TTBK2: variants seen among roughly 807,000 people sequenced by gnomAD.
TTBK2 encodes the protein tau tubulin kinase 2, also known as tau-tubulin kinase 2.
A neutral mutation model predicts 110.8 loss-of-function variants in TTBK2; 28 were observed. The observed-to-expected ratio is 0.25, with a 90% CI of 0.19 to 0.35. The LOEUF is 0.35. Among genes scored for constraint, TTBK2 ranks in the 10% least tolerant of loss-of-function variants. The pLI is 1.00. For synonymous variants in TTBK2, 532 were observed against 527.3 expected (o/e 1.01, Z -0.12); for missense variants, 1,369 against 1,500.3 (o/e 0.91, Z 1.45).
At chr15:42,760,335 A>C (rs993787029) in intron 13 of TTBK2, among the ~76,000 whole-genome samples, 1 of 146,644 alleles carries the variant, frequency 6.8e-6, no homozygotes, top group Non-Finnish European at 1.5e-5. Flanking sequence ...CAGTGAGCTG[A>C]GATCATGCCA....
intron 7 of TTBK2, among the ~76,000 whole-genome samples, chr15:42,812,712 A>C (rs935796233): frequency 6.6e-6 from 1 of 152,196 alleles, no homozygotes; most frequent in Non-Finnish European, 1.5e-5. Flanking sequence ...AGAGTGTTTA[A>C]AATGTTAAAA....
chr15:42,805,662 C>A (rs1382115931), intron 9 of TTBK2, among the ~76,000 whole-genome samples: 1 of 152,210 alleles, frequency 6.6e-6, no homozygotes, highest in Admixed American at 6.5e-5. Context: ...CATCATCTTG[C>A]CTCCTGGCCA....
intron 1 of TTBK2, among the ~76,000 whole-genome samples, chr15:42,887,022 G>GT (rs1232484851): frequency 6.6e-6 from 1 of 152,170 alleles, no homozygotes; most frequent in Admixed American, 6.5e-5. Flanking sequence ...ACAATGGAGG[G>GT]TAAGTCCGTC....
intron 1 of TTBK2, among the ~76,000 whole-genome samples, chr15:42,909,186 G>C (rs1236156006): frequency 6.6e-6 from 1 of 152,196 alleles, no homozygotes. Flanking sequence ...GAGCGCAGTA[G>C]CTAGCTATTC....
intron 1 of TTBK2, among the ~76,000 whole-genome samples, chr15:42,906,548 G>A (rs1035333472): frequency 1.9e-4 from 29 of 152,064 alleles, no homozygotes; most frequent in African/African-American, 7.0e-4. Flanking sequence ...AAGACTTCTT[G>A]AATCTAAGAC....
At chr15:42,841,181 G>A (rs914426060) in intron 3 of TTBK2, among the ~76,000 whole-genome samples, 2 of 152,102 alleles carry the variant, frequency 1.3e-5, no homozygotes, top group African/African-American at 4.8e-5. Context: ...GAAAGATAAA[G>A]AATATGAGCT....
intron 10 of TTBK2, among the ~76,000 whole-genome samples, chr15:42,789,876 CAT>C (rs1890578123): frequency 6.6e-6 from 1 of 151,812 alleles, no homozygotes; most frequent in South Asian, 2.1e-4. Context: ...CACACACACA[CAT>C]ATACATTTTC....
intron 14 of TTBK2, among the ~76,000 whole-genome samples, chr15:42,750,791 C>T (rs1220290435): frequency 2.0e-5 from 3 of 152,124 alleles, no homozygotes; most frequent in Non-Finnish European, 4.4e-5. Context: ...AGGATGAACT[C>T]AGAGACCCAC....
intron 1 of TTBK2, among the ~76,000 whole-genome samples, chr15:42,919,535 A>G (rs1348089716): frequency 6.6e-6 from 1 of 152,334 alleles, no homozygotes; most frequent in African/African-American, 2.4e-5. Context: ...GTGTGTGTCT[A>G]CATGTGCCCA....
chr15:42,751,795 G>A (rs529936571), intron 14 of TTBK2, among the ~76,000 whole-genome samples, 179 bp downstream of exon 14: 10 of 152,288 alleles, frequency 6.6e-5, no homozygotes, highest in South Asian at 4.1e-4. Context: ...GTATTTTACC[G>A]CAATAAATTG....
chr15:42,866,386 T>C (rs1662233098), intron 3 of TTBK2, among the ~76,000 whole-genome samples: 1 of 152,160 alleles, frequency 6.6e-6, no homozygotes, highest in African/African-American at 2.4e-5. Flanking sequence ...GAAACATGCA[T>C]GCATCTAACA....
Position 42,746,150 on chromosome 15 carries a change from T to C in TTBK2, c.3380A>G (p.Gln1127Arg). 1.2e-6 allele frequency: 2 copies of C among 1,614,162 alleles called. No homozygotes were observed. The highest frequency in any genetic ancestry group is 2.2e-5 in the South Asian group (2 of 91,076). ...NGSQKPRSTTQCKSPGSPHNP... is the reference protein window; with the variant it reads ...NGSQKPRSTTRCKSPGSPHNP... ...GTGAGGAGATCCTGGACTCTTGCAC[T>C]GAGTAGTGCTCCGGGGTTTCTGAGA... The change falls in exon 15 of 15, where the codon CAG becomes CGG. Residue 1127 changes from glutamine (Q) to arginine (R), a missense_variant. By Grantham distance (43) the Gln-to-Arg change is conservative (BLOSUM62 1). Coordinates refer to ENST00000267890, the MANE Select transcript of TTBK2 (RefSeq NM_173500.4).
chr15:42,816,535 G>A (rs1367476929), intron 7 of TTBK2, among the ~76,000 whole-genome samples: 1 of 152,034 alleles, frequency 6.6e-6, no homozygotes, highest in Non-Finnish European at 1.5e-5. Flanking sequence ...CCGTGCATTA[G>A]TATTACCAAT....
chr15:42,748,278 G>A (rs1040803811), intron 14 of TTBK2, among the ~76,000 whole-genome samples: 7 of 152,014 alleles, frequency 4.6e-5, no homozygotes, highest in East Asian at 1.9e-4. Flanking sequence ...CCAACATGGC[G>A]AAACCCCATC....
chr15:42,902,077 G>A (rs921719900), intron 1 of TTBK2, among the ~76,000 whole-genome samples: 5 of 151,056 alleles, frequency 3.3e-5, no homozygotes, highest in East Asian at 2.0e-4. Flanking sequence ...TTAGCCAGGC[G>A]TGGTAGAGCA....
chr15:42,876,240 A>G (rs1894816201), intron 2 of TTBK2, among the ~76,000 whole-genome samples: 1 of 152,140 alleles, frequency 6.6e-6, no homozygotes. Flanking sequence ...CATAACAGTG[A>G]GCTTGTCATT....
At chr15:42,811,282 T>C (rs1006679146) in intron 8 of TTBK2, among the ~76,000 whole-genome samples, 3 of 152,204 alleles carry the variant, frequency 2.0e-5, no homozygotes, top group South Asian at 2.1e-4. Context: ...ATGTGAGCCA[T>C]TGCACCCATC....
rs2061761689 is a variant in TTBK2, at chr15:42,743,388, C to T, written c.*2407G>A. 1.3e-5 allele frequency: 2 copies of T among 152,332 alleles called. No individual in the cohort carries two copies. The highest frequency in any genetic ancestry group is 1.9e-4 in the East Asian group (1 of 5,190). The allele number at this position is 152,332 out of a possible 1,614,324, so 9.4% of individuals were successfully genotyped here. A position where few individuals can be genotyped will look rare whatever the true frequency, so the allele number is the denominator to read the frequency against. ...AATGCCAATAAGAAATAAAATCACA[C>T]ACACGTACCACAGTTGTAGCTTCAT... On this transcript the variant is annotated 3_prime_UTR_variant, in exon 15 of 15. Coordinates refer to ENST00000267890, the MANE Select transcript of TTBK2 (RefSeq NM_173500.4).
chr15:42,865,455 A>G (rs1276417207), intron 3 of TTBK2, among the ~76,000 whole-genome samples: 5 of 151,504 alleles, frequency 3.3e-5, no homozygotes, highest in Non-Finnish European at 7.4e-5. Flanking sequence ...GTGAGACTCT[A>G]TCTAAAAACA....
Sources: gnomAD v4.1 joint callset for allele counts (sites outside exome capture counted in the v4.1 genomes callset) on GRCh38, gnomAD v4.1.1 for gene constraint, MANE v1.5 for transcripts, NCBI Gene and HGNC (gene_info 2026-07-23, HGNC 2026-07-21) for gene names.